ENOSF1: variants seen among roughly 807,000 people sequenced by gnomAD.
ENOSF1 encodes mitochondrial enolase superfamily member 1.
Under a neutral mutation model 68.2 loss-of-function variants are expected in ENOSF1, and 73 were observed. The ratio of observed to expected loss-of-function variants is 1.07; its 90% CI spans 0.89 to 1.30. The LOEUF (loss-of-function observed/expected upper bound fraction) is 1.30. Among genes scored for constraint, ENOSF1 ranks in the 50% most tolerant of loss-of-function variants. The pLI is 0.00. For missense variants in ENOSF1, 589 were observed against 554.5 expected, an observed-to-expected ratio of 1.06 and a Z score of -0.62; for synonymous variants, 223 against 210.4, an observed-to-expected ratio of 1.06 and a Z score of -0.52.
At chr18:678,888 AT>A in intron 11 of ENOSF1, 151 bp from the exon 12 acceptor site, 2 of 770,760 alleles carry the variant, frequency 2.6e-6, no homozygotes, top group South Asian at 3.3e-5. Context: ...AGGGGAACAC[AT>A]GCGTGCGGGA....
chr18:710,591 G>C (rs2079406146), intron 1 of ENOSF1, among the ~76,000 whole-genome samples: 1 of 152,204 alleles, frequency 6.6e-6, no homozygotes, highest in Non-Finnish European at 1.5e-5. Context: ...CATAGCTCAT[G>C]TAATTGAATT....
intron 2 of ENOSF1, among the ~76,000 whole-genome samples, chr18:705,741 G>C (rs558361271): frequency 6.6e-6 from 1 of 152,146 alleles, no homozygotes; most frequent in South Asian, 2.1e-4. Flanking sequence ...GGGTGTGATG[G>C]CTCACACCTG....
chr18:705,380 T>C (rs1386151555), intron 2 of ENOSF1, among the ~76,000 whole-genome samples: 3 of 151,706 alleles, frequency 2.0e-5, no homozygotes, highest in Admixed American at 6.6e-5. Context: ...TCAAAAAGAG[T>C]TGCATTTAAA....
chr18:667,529 AGATGGT>A (rs1332006193), downstream of ENOSF1, among the ~76,000 whole-genome samples: 14 of 16,946 alleles, frequency 8.3e-4, 1 homozygote, highest in East Asian at 0.01. Context: ...ATGGTGATGG[AGATGGT>A]GATGGTGATG....
chr18:677,577 A>C, intron 13 of ENOSF1, 133 bp from the exon 14 acceptor site: 1 of 1,288,878 alleles, frequency 7.8e-7, no homozygotes, highest in Non-Finnish European at 1.1e-6. Flanking sequence ...GGAAATTCCA[A>C]GATGAAAATC....
intron 1 of ENOSF1, among the ~76,000 whole-genome samples, chr18:711,206 A>G (rs1192252984): frequency 6.6e-6 from 1 of 152,228 alleles, no homozygotes; most frequent in Non-Finnish European, 1.5e-5. Flanking sequence ...AACATAAAAT[A>G]GAATAAAATA....
Position 671,452 on chromosome 18 carries a change from G to T in ENOSF1, c.*2853C>A. The T allele has an allele frequency of 1.2e-6, 2 of 1,602,922 alleles. No individual in the cohort carries two copies. The highest frequency in any genetic ancestry group is 2.2e-5 in the East Asian group (1 of 44,828). On this transcript the variant is annotated 3_prime_UTR_variant, in exon 16 of 16. Coordinates refer to ENST00000647584, the MANE Select transcript of ENOSF1 (RefSeq NM_017512.7). Reference sequence around the variant, plus strand: ...TCACATCGAGCCACTGAAAATTCAGGTAAGAATTAGATGTTATACTTTTGG... The same window carrying T: ...TCACATCGAGCCACTGAAAATTCAGTTAAGAATTAGATGTTATACTTTTGG...
At chr18:685,161 AAC>A (rs2144812512) in intron 10 of ENOSF1, among the ~76,000 whole-genome samples, 1 of 151,336 alleles carries the variant, frequency 6.6e-6, no homozygotes, top group South Asian at 2.1e-4. Flanking sequence ...ATATAATGCT[AAC>A]ACTTTTTTTT....
intron 1 of ENOSF1, among the ~76,000 whole-genome samples, chr18:708,615 G>C (rs1271080900): frequency 6.6e-6 from 1 of 152,188 alleles, no homozygotes; most frequent in African/African-American, 2.4e-5. Context: ...AGAGAGCGCT[G>C]TTAGCTGAAT....
Position 671,433 on chromosome 18 carries a change from C to A in ENOSF1, c.*2872G>T, listed in dbSNP as rs143415597. ...ATGCACATATTTACCTGAATCACAT[C>A]GAGCCACTGAAAATTCAGGTAAGAA... On this transcript the variant is annotated 3_prime_UTR_variant, in exon 16 of 16. Coordinates refer to ENST00000647584, the MANE Select transcript of ENOSF1 (RefSeq NM_017512.7). The A allele has an allele frequency of 1.9e-6, 3 of 1,610,292 alleles. No homozygotes were observed. The highest frequency in any genetic ancestry group is 2.5e-6 in the Non-Finnish European group (3 of 1,178,258).
rs747228595 is a variant in ENOSF1 at position 675,420 on chromosome 18, GA to G, written c.1149-19del. ...CACACACCCTAGGAGGAGGGAATCA[GA>G]TCGGGGCAATGATGCCTGAAGTCAG... is the stretch of plus-strand genomic sequence containing the variant. On this transcript the variant is annotated intron_variant, in intron 14 of 15. Coordinates refer to ENST00000647584, the MANE Select transcript of ENOSF1 (RefSeq NM_017512.7). 2 of 1,604,822 alleles carry G rather than the reference GA, an allele frequency of 1.2e-6. No homozygotes were observed. Among genetic ancestry groups the G allele is most frequent in the South Asian group, 2.2e-5 (2 of 89,528 alleles).
intron 3 of ENOSF1, 79 bp from the exon 4 acceptor site, chr18:694,413 C>T: frequency 2.2e-6 from 3 of 1,381,734 alleles, no homozygotes; most frequent in Non-Finnish European, 3.0e-6. Flanking sequence ...GCCTGTAAAC[C>T]CAGGACTTTG....
intron 12 of ENOSF1, among the ~76,000 whole-genome samples, chr18:678,082 G>A (rs1387468495): frequency 2.0e-5 from 3 of 152,180 alleles, no homozygotes; most frequent in African/African-American, 7.2e-5. Flanking sequence ...TTACAAATCT[G>A]CTAATGCAAC....
chr18:689,701 C>G (rs193254881), intron 8 of ENOSF1, among the ~76,000 whole-genome samples: 3 of 151,838 alleles, frequency 2.0e-5, no homozygotes, highest in Non-Finnish European at 4.4e-5. Flanking sequence ...CGCTGCCCCC[C>G]TATTTCCTAA....
intron 2 of ENOSF1, among the ~76,000 whole-genome samples, chr18:705,906 G>A (rs960340486): frequency 6.6e-6 from 1 of 152,090 alleles, no homozygotes; most frequent in Non-Finnish European, 1.5e-5. Context: ...CTTCTCGGGA[G>A]GCTGAGGCAG....
Position 694,042 on chromosome 18 carries a change from C to T in ENOSF1, c.397-134G>A, listed in dbSNP as rs945247885. 182 of 1,075,766 alleles carry T rather than the reference C, an allele frequency of 1.7e-4. 1 individual carries two copies. Among genetic ancestry groups the T allele is most frequent in the East Asian group, 2.6e-4 (10 of 38,962 alleles). 66.6% of individuals were successfully genotyped at this position (1,075,766 alleles called of 1,614,324 possible). ...CCACACCCCCCTCTACTGCTGCCTG[C>T]GCCTTCCGCCATCCTGTCTCCTCTT... On this transcript the variant is annotated intron_variant, in intron 4 of 15. Coordinates refer to ENST00000647584, the MANE Select transcript of ENOSF1 (RefSeq NM_017512.7).
At chr18:679,896 C>T (rs969886098) in intron 11 of ENOSF1, among the ~76,000 whole-genome samples, 2 of 152,204 alleles carry the variant, frequency 1.3e-5, no homozygotes, top group African/African-American at 4.8e-5. Flanking sequence ...ATTTTTGGAG[C>T]TCTGAGTACC....
At chr18:663,133 C>T in the ENOSF1 span, among the ~76,000 whole-genome samples, 1 of 96,296 alleles carries the variant, frequency 1.0e-5, no homozygotes, top group Admixed American at 8.7e-5. Context: ...GTCCCACCAA[C>T]AGTATAAAAG....
At chr18:705,756 C>T (rs550264602) in intron 2 of ENOSF1, among the ~76,000 whole-genome samples, 56 of 152,116 alleles carry the variant, frequency 3.7e-4, no homozygotes, top group Non-Finnish European at 4.7e-4. Flanking sequence ...CACCTGTAAT[C>T]CCAGCACTTT....
Sources: allele counts gnomAD v4.1 joint callset (sites outside exome capture counted in the v4.1 genomes callset), GRCh38; gene constraint gnomAD v4.1.1; transcripts MANE v1.5; gene names NCBI Gene and HGNC (gene_info 2026-07-23, HGNC 2026-07-21).